Variants in DNAH11 observed in about 807,000 individuals in gnomAD.
The protein encoded by DNAH11 is dynein axonemal heavy chain 11.
In DNAH11, 442 loss-of-function variants were observed where a neutral mutation model predicts 526.0. That is an observed-to-expected ratio of 0.84 (90% CI 0.78 to 0.91). The LOEUF is 0.91. Ranked by LOEUF, DNAH11 falls within the 40% of genes least tolerant of loss-of-function variation. The pLI is 0.00. For synonymous variants in DNAH11, 2,461 were observed against 1,935.9 expected, an observed-to-expected ratio of 1.27 and a Z score of -7.12; for missense variants, 6,989 against 5,448.7, an observed-to-expected ratio of 1.28 and a Z score of -8.90.
chr7:21,798,366 G>T lies in DNAH11; in HGVS notation c.10027-2771G>T, dbSNP rs147235402. ...CTGCCTCGGCCTCCCAAAGTGCTGG[G>T]ATTACAGGCATGAGCCACTGTGCCT... On this transcript the variant is annotated intron_variant, in intron 61 of 81. Transcript: ENST00000409508. 3.7e-3 allele frequency among the ~76,000 whole-genome samples: 565 copies of T among 152,282 alleles called. 2 individuals are homozygous for T. The highest frequency in any genetic ancestry group is 0.013 in the African/African-American group (530 of 41,560).
intron 28 of DNAH11, among the ~76,000 whole-genome samples, chr7:21,640,207 A>G (rs1014146734): frequency 2.6e-5 from 4 of 152,206 alleles, no homozygotes; most frequent in African/African-American, 7.2e-5. Context: ...TAAATTGACT[A>G]TGAATCTACT....
At chr7:21,658,739 G>C in intron 29 of DNAH11, 59 bp from the exon 30 acceptor site, 1 of 1,411,328 alleles carries the variant, frequency 7.1e-7, no homozygotes, top group Non-Finnish European at 9.5e-7. Flanking sequence ...CCAGTAGGAG[G>C]ATGAAATTAT....
At chr7:21,544,918 G>T (rs895536026) in intron 1 of DNAH11, 88 bp from the exon 2 acceptor site, 10 of 1,168,800 alleles carry the variant, frequency 8.6e-6, no homozygotes, top group African/African-American at 1.6e-5. Context: ...TGTTTCTTCT[G>T]CTAGCAATAC....
chr7:21,805,795 T>A (rs1301031167), intron 62 of DNAH11, among the ~76,000 whole-genome samples: 6 of 152,016 alleles, frequency 3.9e-5, no homozygotes, highest in East Asian at 1.9e-4. Context: ...TAAGGAAAAA[T>A]ATATATTTTT....
At chr7:21,630,671 C>G (rs1044507151) in intron 25 of DNAH11, among the ~76,000 whole-genome samples, 6 of 152,072 alleles carry the variant, frequency 3.9e-5, no homozygotes, top group African/African-American at 1.4e-4. Flanking sequence ...GGCCTGTATT[C>G]TTTCTGTTGA....
In DNAH11 at chr7:21,746,041, C is replaced by G. The variant is rs143447941; in HGVS notation, c.8510+978C>G. On this transcript the variant is annotated intron_variant, in intron 51 of 81. Coordinates refer to ENST00000409508, the MANE Select transcript of DNAH11 (RefSeq NM_001277115.2). ...CTGGCCTTACCAATACGAAGTATTT[C>G]CTTGTAACCAGAATAAGGAACTTTG... is the stretch of plus-strand genomic sequence containing the variant. Among the ~76,000 whole-genome samples the G allele has an allele frequency of 4.3e-3, 651 of 152,260 alleles. 3 individuals are homozygous for G. The highest frequency in any genetic ancestry group is 0.041 in the Middle Eastern group (12 of 294).
intron 25 of DNAH11, among the ~76,000 whole-genome samples, chr7:21,633,657 G>A (rs1040490333): frequency 1.3e-5 from 2 of 152,138 alleles, no homozygotes; most frequent in African/African-American, 2.4e-5. Context: ...ATGAACACTT[G>A]TTCTCTAGGA....
At chr7:21,576,211 A>G (rs115811561) in intron 8 of DNAH11, among the ~76,000 whole-genome samples, 2 of 152,316 alleles carry the variant, frequency 1.3e-5, no homozygotes, top group African/African-American at 4.8e-5. Context: ...CAGGAAGTTA[A>G]TTACCCAAGA....
intron 6 of DNAH11, 135 bp downstream of exon 6, chr7:21,564,532 T>C: frequency 1.6e-6 from 1 of 610,502 alleles, no homozygotes; most frequent in Non-Finnish European, 2.7e-6. Context: ...ACATTTTTGG[T>C]AACAAAGGCC....
intron 65 of DNAH11, among the ~76,000 whole-genome samples, chr7:21,827,710 C>G (rs988695097): frequency 1.3e-5 from 2 of 151,806 alleles, no homozygotes; most frequent in African/African-American, 4.8e-5. Context: ...TTTATAATGA[C>G]TAGATTTCCT....
intron 2 of DNAH11, among the ~76,000 whole-genome samples, chr7:21,546,990 A>G (rs556837699): frequency 2.3e-4 from 35 of 152,234 alleles, no homozygotes; most frequent in East Asian, 5.8e-4. Context: ...TTTTATCTAT[A>G]GGTGTATATG....
At chr7:21,720,588 G>C in intron 43 of DNAH11, 137 bp from the exon 44 acceptor site, 1 of 947,240 alleles carries the variant, frequency 1.1e-6, no homozygotes, top group Non-Finnish European at 1.5e-6. Context: ...GGTAATTTTT[G>C]TCTCTCCCAA....
intron 35 of DNAH11, among the ~76,000 whole-genome samples, chr7:21,695,242 A>G (rs55746305): frequency 0.14 from 21,345 of 152,190 alleles, 1,579 homozygotes; most frequent in East Asian, 0.21. Flanking sequence ...AGAAAATACT[A>G]CTTTAAATTT....
intron 25 of DNAH11, among the ~76,000 whole-genome samples, chr7:21,621,903 T>G (rs1295780616): frequency 1.3e-5 from 2 of 152,170 alleles, no homozygotes; most frequent in Admixed American, 6.5e-5. Context: ...CTTTGAAAAC[T>G]GGCACGAGAC....
chr7:21,562,470 AT>A (rs1783504153), intron 5 of DNAH11, among the ~76,000 whole-genome samples: 1 of 152,170 alleles, frequency 6.6e-6, no homozygotes, highest in Non-Finnish European at 1.5e-5. Flanking sequence ...CTGTGTTAGC[AT>A]AAGATGAAAA....
At chr7:21,864,904 A>G (rs1783214789) in intron 70 of DNAH11, among the ~76,000 whole-genome samples, 1 of 152,232 alleles carries the variant, frequency 6.6e-6, no homozygotes, top group Non-Finnish European at 1.5e-5. Flanking sequence ...ACAATCTGTC[A>G]GGACCTTTGA....
rs1034957876 is a variant in DNAH11, at chr7:21,867,939, G to A, written c.11771G>A (p.Ser3924Asn). The A allele has an allele frequency of 1.3e-6, 2 of 1,572,208 alleles. No homozygotes were observed. The highest frequency in any genetic ancestry group is 2.7e-5 in the African/African-American group (2 of 74,022). ...LDLVKAFEES[S>N]PATPIFFILS... ...TTAGTTAAAGCATTCGAAGAAAGCAGCCCAGCCACCCCCATATTCTTCATC... is the reference window on the plus strand; with the variant it reads ...TTAGTTAAAGCATTCGAAGAAAGCAACCCAGCCACCCCCATATTCTTCATC... Residue 3924 changes from serine to asparagine, a missense_variant, in exon 72 of 82, where the codon AGC becomes AAC. Ser to Asn is a conservative substitution (Grantham distance 46, BLOSUM62 1). Transcript: ENST00000409508.
At chr7:21,601,294 A>G (rs1785073551) in intron 17 of DNAH11, 102 bp from the exon 18 acceptor site, 1 of 1,437,144 alleles carries the variant, frequency 7.0e-7, no homozygotes, top group Non-Finnish European at 9.4e-7. Flanking sequence ...TAAATGTTTA[A>G]TCAGGTACAT....
intron 44 of DNAH11, among the ~76,000 whole-genome samples, chr7:21,722,324 C>T (rs968670602): frequency 6.6e-6 from 1 of 152,168 alleles, no homozygotes; most frequent in Non-Finnish European, 1.5e-5. Context: ...TACCTCAGGG[C>T]CTCTCATGGT....
Sources: gnomAD v4.1 joint callset for allele counts (sites outside exome capture counted in the v4.1 genomes callset) on GRCh38, gnomAD v4.1.1 for gene constraint, MANE v1.5 for transcripts, NCBI Gene and HGNC (gene_info 2026-07-23, HGNC 2026-07-21) for gene names.